The following FCGR2A variants were observed in gnomAD, a reference collection of about 807,000 sequenced individuals.
FCGR2A encodes the protein Fc gamma receptor IIa, also known as low affinity immunoglobulin gamma Fc region receptor II-a.
A neutral mutation model predicts 29.3 loss-of-function variants in FCGR2A; 18 were observed. The observed-to-expected ratio is 0.62, with a 90% CI of 0.43 to 0.91. The LOEUF is 0.91. Ranked by LOEUF, FCGR2A falls within the 40% of genes least tolerant of loss-of-function variation. The pLI is 0.00. For synonymous variants in FCGR2A, 126 were observed against 144.8 expected (o/e 0.87, Z 0.93); for missense variants, 287 against 393.0 (o/e 0.73, Z 2.28).
At chr1:161,513,967 C>T (rs1329885793) in intron 6 of FCGR2A, 35 bp downstream of exon 6, 3 of 1,613,894 alleles carry the variant, frequency 1.9e-6, no homozygotes, top group Admixed American at 3.3e-5. Context: ...TTCCTCCTGC[C>T]TTGTCCCTTC....
At chr1:161,521,275 C>G (rs1676438562), downstream of FCGR2A, among the ~76,000 whole-genome samples, 1 of 152,036 alleles carries the variant, frequency 6.6e-6, no homozygotes, top group Admixed American at 6.6e-5. Flanking sequence ...GTTTTGTTCA[C>G]TACCACATAC....
chr1:161,522,157 C>T (rs572407021), downstream of FCGR2A, among the ~76,000 whole-genome samples: 2 of 152,090 alleles, frequency 1.3e-5, no homozygotes, highest in South Asian at 4.2e-4. Context: ...GCTGTGATTG[C>T]ATCACTGTAC....
Position 161,510,985 on chromosome 1 carries a change from T to C in FCGR2A, c.742+29T>C, listed in dbSNP as rs1487012165. ...TGTAGCTCCTCCCAGTCCCTTTTGT[T>C]ATCAGTTTCCATTTGGCCCAGGGCC... On this transcript the variant is annotated intron_variant, in intron 5 of 6. Transcript: ENST00000271450. 3.1e-6 allele frequency: 5 copies of C among 1,613,980 alleles called. No individual in the cohort carries two copies. In the South Asian group the frequency reaches 4.4e-5, roughly 14 times the overall value.
chr1:161,510,780 CGTT>C (rs1557832305), intron 4 of FCGR2A, 51 bp from the exon 5 acceptor site: 10 of 1,605,906 alleles, frequency 6.2e-6, no homozygotes, highest in African/African-American at 1.3e-5. Context: ...AGAATACAAA[CGTT>C]GTCATTAAAA....
At chr1:161,509,721 A>C in intron 3 of FCGR2A, 99 bp from the exon 4 acceptor site, 1 of 1,464,504 alleles carries the variant, frequency 6.8e-7, no homozygotes. Context: ...TCTGTCTGCC[A>C]GACATCATGT....
At chr1:161,506,819 TCA>T in intron 3 of FCGR2A, 1 of 858,160 alleles carries the variant, frequency 1.2e-6, no homozygotes, top group Non-Finnish European at 1.7e-6. Flanking sequence ...TGTTTTTGCC[TCA>T]GTCTTGATTG....
chr1:161,519,941 A>G (rs545759897), downstream of FCGR2A: 12 of 152,100 alleles, frequency 7.9e-5, 1 homozygote, highest in South Asian at 2.5e-3. Context: ...TTCTCAGAGA[A>G]GTCATTCCAG....
intron 3 of FCGR2A, among the ~76,000 whole-genome samples, chr1:161,508,541 C>G (rs1021839769): frequency 2.0e-5 from 3 of 149,766 alleles, no homozygotes; most frequent in African/African-American, 7.4e-5. Context: ...GAGCCGAGAT[C>G]GCGCCATTCC....
rs773805217 is a variant in FCGR2A, at chr1:161,506,379, A to G, written c.152A>G (p.Asn51Ser). 1.9e-6 allele frequency: 3 copies of G among 1,614,162 alleles called. No individual in the cohort carries two copies. The highest frequency in any genetic ancestry group is 2.5e-6 in the Non-Finnish European group (3 of 1,180,028). The change falls in exon 3 of 7, where the codon AAC (asparagine) becomes AGC (serine). Residue 51 changes from asparagine (N) to serine (S), a missense_variant. By Grantham distance (46) the Asn-to-Ser change is conservative. Transcript: ENST00000271450. ...AVLKLEPPWI[N>S]VLQEDSVTLT... ...CTGAAACTTGAGCCCCCGTGGATCA[A>G]CGTGCTCCAGGAGGACTCTGTGACT...
chr1:161,510,674 T>TGTG (rs1226670063), intron 4 of FCGR2A, among the ~76,000 whole-genome samples, 160 bp from the exon 5 acceptor site: 1 of 152,184 alleles, frequency 6.6e-6, no homozygotes, highest in Non-Finnish European at 1.5e-5. Context: ...AGGCTGGGGA[T>TGTG]GTGGTGAATC....
At chr1:161,505,618 A>T in intron 1 of FCGR2A, 66 bp downstream of exon 1, 1 of 1,306,886 alleles carries the variant, frequency 7.7e-7, no homozygotes, top group Non-Finnish European at 1.1e-6. Flanking sequence ...TCCAGGTACC[A>T]GTGTGGTAAG....
At chr1:161,523,062 T>G, downstream of FCGR2A, 4 of 152,298 alleles carry the variant, frequency 2.6e-5, no homozygotes, top group Admixed American at 2.6e-4. Context: ...AGAAGCCAAC[T>G]TTTAAGTTTC....
Position 161,519,284 on chromosome 1 carries a change from C to G in FCGR2A, c.*1136C>G, listed in dbSNP as rs1676342111. The G allele has an allele frequency of 6.5e-6, 1 of 152,736 alleles. No homozygotes were observed. The highest frequency in any genetic ancestry group is 2.4e-5 in the African/African-American group (1 of 41,432). 9.5% of individuals were successfully genotyped at this position (152,736 alleles called of 1,614,324 possible). On this transcript the variant is annotated 3_prime_UTR_variant, in exon 7 of 7. Transcript: ENST00000271450. ...AAATGACTGACTGCACCTTCTGTGCCTCAGCCGTTCTTGACATCAAGAATC... is the reference window on the plus strand; with the variant it reads ...AAATGACTGACTGCACCTTCTGTGCGTCAGCCGTTCTTGACATCAAGAATC...
chr1:161,508,168 C>CAAAGA (rs1333800670), intron 3 of FCGR2A, among the ~76,000 whole-genome samples: 4 of 149,482 alleles, frequency 2.7e-5, no homozygotes, highest in African/African-American at 7.4e-5. Flanking sequence ...ATCCATTGTA[C>CAAAGA]AAAGAAATGC....
intron 6 of FCGR2A, among the ~76,000 whole-genome samples, chr1:161,516,965 C>T (rs2102487067): frequency 7.5e-6 from 1 of 134,156 alleles, no homozygotes; most frequent in Non-Finnish European, 1.6e-5. Context: ...AGAGAGTTTA[C>T]CAGAATGTTT....
chr1:161,506,295 G>C lies in FCGR2A; in HGVS notation c.107-39G>C, dbSNP rs55684526. On this transcript the variant is annotated intron_variant, in intron 2 of 6. Transcript: ENST00000271450. Reference sequence around the variant, plus strand: ...CCTTTGGCATCCACAGTCCCTTCAGGGTTATTTATTCCACACCCCTTTCCA... The same window carrying C: ...CCTTTGGCATCCACAGTCCCTTCAGCGTTATTTATTCCACACCCCTTTCCA... The C allele has an allele frequency of 5.1e-5, 82 of 1,611,876 alleles. No individual in the cohort carries two copies. In the East Asian group the frequency reaches 1.8e-3, roughly 36 times the overall value.
downstream of FCGR2A, chr1:161,523,859 G>A (rs1256140482): frequency 2.0e-5 from 3 of 152,026 alleles, no homozygotes; most frequent in South Asian, 2.1e-4. Flanking sequence ...CATTGGCCGG[G>A]AATCGAACCC....
At chr1:161,522,778 A>G (rs1676505591), downstream of FCGR2A, 1 of 151,988 alleles carries the variant, frequency 6.6e-6, no homozygotes, top group South Asian at 2.1e-4. Flanking sequence ...TTTTTCCTGA[A>G]CTGATCACCT....
chr1:161,507,805 G>A (rs1675506819), intron 3 of FCGR2A, among the ~76,000 whole-genome samples: 1 of 152,102 alleles, frequency 6.6e-6, no homozygotes, highest in Non-Finnish European at 1.5e-5. Flanking sequence ...AAAAATTGAG[G>A]GCTGGGTGTG....
Sources: allele counts gnomAD v4.1 joint callset (sites outside exome capture counted in the v4.1 genomes callset), GRCh38; gene constraint gnomAD v4.1.1; transcripts MANE v1.5; gene names NCBI Gene and HGNC (gene_info 2026-07-23, HGNC 2026-07-21).